AS3MT: variants seen among roughly 807,000 people sequenced by gnomAD.
The protein encoded by AS3MT is S-adenosyl-L-methionine:arsenic(III) methyltransferase.
Under a neutral mutation model 45.3 loss-of-function variants are expected in AS3MT, and 47 were observed. The ratio of observed to expected loss-of-function variants is 1.04; its 90% CI spans 0.82 to 1.32. The LOEUF (loss-of-function observed/expected upper bound fraction) is 1.32. Ranked by LOEUF, AS3MT falls within the 40% of genes most tolerant of loss-of-function variation. AS3MT has a pLI of 0.00. For missense variants in AS3MT, 396 were observed against 451.1 expected (o/e 0.88, Z 1.11); for synonymous variants, 141 against 152.8 (o/e 0.92, Z 0.57).
At chr10:102,885,844 T>A (rs1844944855) in intron 9 of AS3MT, among the ~76,000 whole-genome samples, 1 of 147,104 alleles carries the variant, frequency 6.8e-6, no homozygotes, top group African/African-American at 2.5e-5. Context: ...ATTTTTGTAT[T>A]TTTAGTAGAG....
chr10:102,872,506 C>T lies in AS3MT; in HGVS notation c.229C>T (p.Leu77=), dbSNP rs1439489438. ...TCTAGAAAACTGCTGGATTTTGGAT[C>T]TGGGTAGTGGAAGTGGCAGAGATTG... ...EHLENCWILD[L]GSGSGRDCYV... The change falls in exon 4 of 11, where the codon CTG becomes TTG. Residue 77 remains leucine, a synonymous_variant. Coordinates refer to ENST00000369880, the MANE Select transcript of AS3MT (RefSeq NM_020682.4). 1.9e-6 allele frequency: 3 copies of T among 1,614,022 alleles called. No individual in the cohort carries two copies. The highest frequency in any genetic ancestry group is 3.3e-5 in the Admixed American group (2 of 59,998).
At chr10:102,897,166 CG>C (rs1027012465) in intron 10 of AS3MT, among the ~76,000 whole-genome samples, 1 of 151,934 alleles carries the variant, frequency 6.6e-6, no homozygotes, top group Non-Finnish European at 1.5e-5. Context: ...GGGTGGATCA[CG>C]AGGTCAGGAG....
At chr10:102,894,443 A>AAAT in intron 10 of AS3MT, among the ~76,000 whole-genome samples, 1 of 151,898 alleles carries the variant, frequency 6.6e-6, no homozygotes, top group African/African-American at 2.4e-5. Context: ...AAAAAATAAA[A>AAAT]AAATAAAAAA....
chr10:102,893,613 A>G (rs1845112871), intron 10 of AS3MT, among the ~76,000 whole-genome samples: 1 of 150,672 alleles, frequency 6.6e-6, no homozygotes, highest in Non-Finnish European at 1.5e-5. Flanking sequence ...CTTCTGCCTC[A>G]GCCTCCAGAG....
intron 2 of AS3MT, 63 bp downstream of exon 2, chr10:102,869,908 C>T (rs1476476346): frequency 1.2e-6 from 2 of 1,601,100 alleles, no homozygotes; most frequent in Middle Eastern, 1.7e-4. Context: ...TCTGGCCTGG[C>T]CCGCACCCTG....
chr10:102,900,658 T>C lies in AS3MT; in HGVS notation c.1086T>C (p.Pro362=), dbSNP rs1564797702. The change falls in exon 11 of 11, where the codon CCT becomes CCC. Residue 362 remains proline (P), a synonymous_variant. Coordinates refer to ENST00000369880, the MANE Select transcript of AS3MT (RefSeq NM_020682.4). ...ESDSMKSRCV[P]DAAGGCCGTK... is the part of the protein sequence containing the mutation. ...ACAGTATGAAGTCCAGATGTGTCCC[T>C]GATGCTGCTGGAGGCTGCTGTGGCA... 6.2e-7 allele frequency: 1 copy of C among 1,614,152 alleles called. No homozygotes were observed. Among genetic ancestry groups the C allele is most frequent in the East Asian group, 2.2e-5 (1 of 44,884 alleles).
intron 10 of AS3MT, 59 bp downstream of exon 10, chr10:102,890,737 G>C (rs1181560481): frequency 6.6e-7 from 1 of 1,513,278 alleles, no homozygotes; most frequent in Non-Finnish European, 9.0e-7. Context: ...TTGAGATGGA[G>C]TCTCTCTCTG....
At chr10:102,885,164 C>A (rs546132722) in intron 9 of AS3MT, among the ~76,000 whole-genome samples, 2 of 152,120 alleles carry the variant, frequency 1.3e-5, no homozygotes, top group South Asian at 4.1e-4. Context: ...CGTCTGGTAA[C>A]CACCAATCTA....
chr10:102,900,565 C>A, intron 10 of AS3MT, 28 bp from the exon 11 acceptor site: 1 of 1,515,248 alleles, frequency 6.6e-7, no homozygotes, highest in Non-Finnish European at 9.2e-7. Context: ...TTTAACTTGT[C>A]CTTTCATTTT....
chr10:102,870,117 G>A lies in AS3MT; in HGVS notation c.76G>A (p.Asp26Asn), dbSNP rs1189640899. The change falls in exon 3 of 11, where the codon GAC becomes AAC. Residue 26 changes from aspartate to asparagine, a missense_variant. By Grantham distance (23) the Asp-to-Asn change is conservative (BLOSUM62 1). Coordinates refer to ENST00000369880, the MANE Select transcript of AS3MT (RefSeq NM_020682.4). ...YYGQVLKRSADLQTNGCVTTA... is the reference protein window; with the variant it reads ...YYGQVLKRSANLQTNGCVTTA... ...CGGGCAGGTGCTGAAGAGATCGGCA[G>A]ACCTCCAGACCAACGGCTGTGTCAC... 1.9e-6 allele frequency: 3 copies of A among 1,614,030 alleles called. No individual in the cohort carries two copies. The highest frequency in any genetic ancestry group is 1.7e-6 in the Non-Finnish European group (2 of 1,180,052).
At chr10:102,898,133 A>C (rs1323523060) in intron 10 of AS3MT, among the ~76,000 whole-genome samples, 14 of 151,446 alleles carry the variant, frequency 9.2e-5, no homozygotes, top group Non-Finnish European at 1.8e-4. Context: ...TTTTTTCTTA[A>C]CGGAAGACCT....
chr10:102,885,346 T>C (rs900277181), intron 9 of AS3MT, among the ~76,000 whole-genome samples: 2 of 151,820 alleles, frequency 1.3e-5, no homozygotes, highest in Non-Finnish European at 2.9e-5. Context: ...TTTATTTTTT[T>C]GAGACAGAGT....
At position 102,877,047 on chromosome 10, in the gene AS3MT, T is replaced by A; in HGVS notation, c.610+12T>A. On this transcript the variant is annotated intron_variant, in intron 7 of 10. Transcript: ENST00000369880. ...CAAAGTTTTATGGGGTAGGTGATTT[T>A]GTTTAGTTTAGTATTAAGGCAGATG... The A allele has an allele frequency of 6.2e-7, 1 of 1,612,822 alleles. No homozygotes were observed. Among genetic ancestry groups the A allele is most frequent in the Non-Finnish European group, 8.5e-7 (1 of 1,178,864 alleles).
At chr10:102,873,805 G>A (rs1844734795) in intron 5 of AS3MT, among the ~76,000 whole-genome samples, 1 of 152,174 alleles carries the variant, frequency 6.6e-6, no homozygotes. Flanking sequence ...CACTAAGTTT[G>A]CTCCTACAAT....
intron 9 of AS3MT, among the ~76,000 whole-genome samples, chr10:102,889,872 T>C (rs538685749): frequency 4.7e-4 from 72 of 152,122 alleles, no homozygotes; most frequent in African/African-American, 1.6e-3. Context: ...GAGGCAGGGT[T>C]TTACCATATT....
intron 9 of AS3MT, among the ~76,000 whole-genome samples, 165 bp downstream of exon 9, chr10:102,879,156 T>G (rs1419583099): frequency 6.6e-6 from 1 of 152,100 alleles, no homozygotes. Flanking sequence ...AAAGCATTTT[T>G]TCCCCAATAC....
chr10:102,882,529 T>C (rs1028947607), intron 9 of AS3MT, among the ~76,000 whole-genome samples: 7 of 152,088 alleles, frequency 4.6e-5, no homozygotes, highest in African/African-American at 1.7e-4. Context: ...AAGGGATCCT[T>C]CCACCTCAGC....
rs199673303 is a variant in AS3MT, at chr10:102,893,513, C to T, written c.1020+2835C>T. Among the ~76,000 whole-genome samples, 75 of 125,936 alleles carry T rather than the reference C, an allele frequency of 6.0e-4. 1 individual carries two copies. The East Asian group carries it at 0.016, about 26-fold the overall frequency. The allele number at this position is 125,936 out of a possible 152,430, so 82.6% of individuals were successfully genotyped here. ...TTTTTTTCTTTTTTTTTTTTTTTTC[C>T]GAGATGGAGTCTTGCTCTGTTGCCC... is the stretch of plus-strand genomic sequence containing the variant. On this transcript the variant is annotated intron_variant, in intron 10 of 10. Transcript: ENST00000369880.
At chr10:102,877,066 G>T in intron 7 of AS3MT, 31 bp downstream of exon 7, 1 of 1,591,400 alleles carries the variant, frequency 6.3e-7, no homozygotes, top group South Asian at 1.1e-5. Flanking sequence ...TAGTATTAAG[G>T]CAGATGGTTG....
Sources: allele counts gnomAD v4.1 joint callset (sites outside exome capture counted in the v4.1 genomes callset), GRCh38; gene constraint gnomAD v4.1.1; transcripts MANE v1.5; gene names NCBI Gene and HGNC (gene_info 2026-07-23, HGNC 2026-07-21).